Variants in RBFOX1 observed in about 807,000 individuals in gnomAD.
RBFOX1 encodes RNA binding protein fox-1 homolog 1.
In RBFOX1, 8 loss-of-function variants were observed where a neutral mutation model predicts 57.7. The ratio of observed to expected loss-of-function variants is 0.14; its 90% confidence interval spans 0.08 to 0.25. The LOEUF (loss-of-function observed/expected upper bound fraction) is 0.25, where lower values mean the gene tolerates loss of function less well. Ranked by LOEUF, RBFOX1 falls within the 10% of genes least tolerant of loss-of-function variation. RBFOX1 has a pLI of 1.00. For synonymous variants in RBFOX1, 326 were observed against 222.4 expected, an observed-to-expected ratio of 1.47 and a Z score of -4.15; for missense variants, 611 against 548.5, an observed-to-expected ratio of 1.11 and a Z score of -1.14.
At chr16:5,432,926 T>C (rs537447520) in intron 1 of RBFOX1, among the ~76,000 whole-genome samples, 11 of 152,280 alleles carry the variant, frequency 7.2e-5, no homozygotes, top group African/African-American at 2.4e-4. Flanking sequence ...GCTGGAATTA[T>C]AGGCCCACAC....
chr16:5,384,358 C>A (rs12926405), intron 1 of RBFOX1, among the ~76,000 whole-genome samples: 76,637 of 152,004 alleles, frequency 0.5, 19,733 homozygotes, highest in Non-Finnish European at 0.55. Flanking sequence ...ACAGTCTGGC[C>A]AATGTCAGTC....
chr16:7,100,974 T>C (rs921824970), intron 4 of RBFOX1, among the ~76,000 whole-genome samples: 2 of 152,218 alleles, frequency 1.3e-5, no homozygotes, highest in Admixed American at 1.3e-4. Context: ...TCAAGGATTA[T>C]TTTTTGAGGA....
At chr16:6,080,636 G>A (rs2095986986) in intron 1 of RBFOX1, among the ~76,000 whole-genome samples, 1 of 152,226 alleles carries the variant, frequency 6.6e-6, no homozygotes, top group Admixed American at 6.5e-5. Flanking sequence ...TGAGTTGGAA[G>A]TGACTCGTTT....
At chr16:7,331,405 C>T (rs191682341) in intron 4 of RBFOX1, among the ~76,000 whole-genome samples, 11 of 152,244 alleles carry the variant, frequency 7.2e-5, no homozygotes, top group Non-Finnish European at 8.8e-5. Context: ...GGATTCACTT[C>T]ATCAGAACTT....
intron 12 of RBFOX1, among the ~76,000 whole-genome samples, chr16:7,655,109 C>T (rs2065980484): frequency 6.6e-6 from 1 of 152,180 alleles, no homozygotes; most frequent in Non-Finnish European, 1.5e-5. Flanking sequence ...AGAAAATCTA[C>T]ATTAGCCTAG....
At chr16:5,928,454 G>C (rs986793238) in intron 4 of RBFOX1, among the ~76,000 whole-genome samples, 3 of 151,754 alleles carry the variant, frequency 2.0e-5, no homozygotes, top group Non-Finnish European at 4.4e-5. Context: ...ATGCTAATTA[G>C]CTTGATTTAA....
intron 3 of RBFOX1, among the ~76,000 whole-genome samples, chr16:6,663,558 G>T (rs527489508): frequency 6.6e-6 from 1 of 152,190 alleles, no homozygotes; most frequent in Non-Finnish European, 1.5e-5. Context: ...TCATGAAGGA[G>T]TTTCCCTTCA....
At chr16:7,520,202 T>A (rs529933717) in intron 5 of RBFOX1, among the ~76,000 whole-genome samples, 5 of 152,190 alleles carry the variant, frequency 3.3e-5, no homozygotes, top group South Asian at 2.1e-4. Flanking sequence ...GAAGATTTTT[T>A]AAAAAAATGG....
chr16:6,967,383 G>A (rs2084506764), intron 3 of RBFOX1, among the ~76,000 whole-genome samples: 1 of 152,140 alleles, frequency 6.6e-6, no homozygotes, highest in Non-Finnish European at 1.5e-5. Flanking sequence ...AGAGATTAGA[G>A]GGAGCTGAAG....
intron 4 of RBFOX1, among the ~76,000 whole-genome samples, chr16:5,931,943 G>A (rs1261109793): frequency 6.6e-6 from 1 of 151,914 alleles, no homozygotes; most frequent in East Asian, 1.9e-4. Flanking sequence ...AAGTAGCTGG[G>A]ACAACAAGCA....
chr16:7,422,535 G>A (rs975397004), intron 4 of RBFOX1, among the ~76,000 whole-genome samples: 1 of 152,144 alleles, frequency 6.6e-6, no homozygotes, highest in Non-Finnish European at 1.5e-5. Flanking sequence ...GTCACTGGGG[G>A]ATCAAATGAG....
intron 3 of RBFOX1, among the ~76,000 whole-genome samples, chr16:6,981,803 C>T (rs1342787875): frequency 1.3e-5 from 2 of 152,100 alleles, no homozygotes; most frequent in African/African-American, 4.8e-5. Flanking sequence ...TCAGAGCTAC[C>T]AGTCAAGATG....
intron 2 of RBFOX1, among the ~76,000 whole-genome samples, chr16:6,343,896 T>C (rs542644892): frequency 2.0e-5 from 3 of 152,330 alleles, no homozygotes; most frequent in East Asian, 3.9e-4. Flanking sequence ...GAATTAAAGA[T>C]GATGCTTCTC....
chr16:5,651,251 C>T (rs1437839001), intron 3 of RBFOX1, among the ~76,000 whole-genome samples: 7 of 151,726 alleles, frequency 4.6e-5, no homozygotes, highest in African/African-American at 9.7e-5. Flanking sequence ...CAGGGTTTCA[C>T]TATGTTGACC....
chr16:7,548,386 A>G (rs1200938016), intron 5 of RBFOX1, among the ~76,000 whole-genome samples: 6 of 152,212 alleles, frequency 3.9e-5, no homozygotes, highest in Admixed American at 2.0e-4. Context: ...TGAACTCCCA[A>G]CCTCAGGTGA....
intron 3 of RBFOX1, among the ~76,000 whole-genome samples, chr16:6,968,314 G>C (rs1042402148): frequency 6.6e-6 from 1 of 152,238 alleles, no homozygotes; most frequent in African/African-American, 2.4e-5. Context: ...GAAATTAGCA[G>C]CGATGGAAAC....
chr16:6,917,591 G>C (rs6500874), intron 3 of RBFOX1, among the ~76,000 whole-genome samples: 1 of 151,700 alleles, frequency 6.6e-6, no homozygotes, highest in Non-Finnish European at 1.5e-5. Flanking sequence ...AAGTTAGGAA[G>C]CTCTGACACC....
intron 1 of RBFOX1, among the ~76,000 whole-genome samples, chr16:6,251,495 T>G (rs2097611557): frequency 6.6e-6 from 1 of 152,050 alleles, no homozygotes. Context: ...GAACCAAAAG[T>G]TAGATATTTA....
At chr16:5,532,092 C>T (rs1451520098) in intron 2 of RBFOX1, among the ~76,000 whole-genome samples, 2 of 152,190 alleles carry the variant, frequency 1.3e-5, no homozygotes, top group East Asian at 1.9e-4. Context: ...AACCACCATG[C>T]GTGACTGTCA....
Sources: gnomAD v4.1 joint callset for allele counts (sites outside exome capture counted in the v4.1 genomes callset) on GRCh38, gnomAD v4.1.1 for gene constraint, MANE v1.5 for transcripts, NCBI Gene and HGNC (gene_info 2026-07-23, HGNC 2026-07-21) for gene names.